The following RPS6KC1 variants were observed in gnomAD, a reference collection of about 807,000 sequenced individuals.
The protein encoded by RPS6KC1 is inactive ribosomal protein S6 kinase delta-1.
Under a neutral mutation model 103.8 loss-of-function variants are expected in RPS6KC1, and 54 were observed. The observed-to-expected ratio is 0.52, with a 90% confidence interval of 0.42 to 0.65. The LOEUF is 0.65. Among genes scored for constraint, RPS6KC1 ranks in the 30% least tolerant of loss-of-function variants. The pLI, the probability that RPS6KC1 is intolerant of heterozygous loss-of-function variation, is 0.00. For missense variants in RPS6KC1, 1,151 were observed against 1,253.8 expected (o/e 0.92, Z 1.24); for synonymous variants, 439 against 438.7 (o/e 1.00, Z -0.01).
At chr1:213,504,019 A>G in the RPS6KC1 span, among the ~76,000 whole-genome samples, 1 of 152,216 alleles carries the variant, frequency 6.6e-6, no homozygotes, top group Non-Finnish European at 1.5e-5. Context: ...ACATAAATAC[A>G]TCATGATTTA....
chr1:213,097,885 C>T (rs1432844116), intron 3 of RPS6KC1, among the ~76,000 whole-genome samples: 1 of 152,186 alleles, frequency 6.6e-6, no homozygotes. Context: ...AGCTTCTTCA[C>T]CTCTCTCAGC....
chr1:213,842,517 T>A, the RPS6KC1 span, among the ~76,000 whole-genome samples: 68 of 152,248 alleles, frequency 4.5e-4, 1 homozygote, highest in African/African-American at 1.6e-3. Context: ...TAAAATAATA[T>A]AAAAAGGTAT....
the RPS6KC1 span, among the ~76,000 whole-genome samples, chr1:213,558,806 A>G: frequency 6.6e-6 from 1 of 152,222 alleles, no homozygotes; most frequent in Non-Finnish European, 1.5e-5. Flanking sequence ...TGTTCAAATA[A>G]GGCAAACATG....
At chr1:213,170,102 G>A (rs930766538) in intron 7 of RPS6KC1, among the ~76,000 whole-genome samples, 3 of 151,878 alleles carry the variant, frequency 2.0e-5, no homozygotes, top group Admixed American at 6.6e-5. Context: ...AAAGTTTTAG[G>A]GATTTAAAAT....
chr1:213,773,410 A>G, the RPS6KC1 span, among the ~76,000 whole-genome samples: 1 of 149,048 alleles, frequency 6.7e-6, no homozygotes, highest in Non-Finnish European at 1.5e-5. Flanking sequence ...ATATCTATAG[A>G]TATATCTATA....
chr1:213,505,132 C>T, the RPS6KC1 span, among the ~76,000 whole-genome samples: 1 of 152,128 alleles, frequency 6.6e-6, no homozygotes, highest in African/African-American at 2.4e-5. Flanking sequence ...TTCCACTTAC[C>T]CCAAGTATCC....
the RPS6KC1 span, among the ~76,000 whole-genome samples, chr1:213,592,061 T>C: frequency 6.6e-6 from 1 of 152,168 alleles, no homozygotes. Flanking sequence ...GGTAAAGACC[T>C]TCATTCCTGA....
chr1:213,053,025 G>A (rs902269801), intron 1 of RPS6KC1, among the ~76,000 whole-genome samples: 1 of 152,196 alleles, frequency 6.6e-6, no homozygotes, highest in African/African-American at 2.4e-5. Flanking sequence ...AGGGATGTTT[G>A]TTGCTCCCTG....
At chr1:213,119,338 T>C (rs1281079671) in intron 5 of RPS6KC1, among the ~76,000 whole-genome samples, 2 of 148,974 alleles carry the variant, frequency 1.3e-5, no homozygotes, top group East Asian at 2.0e-4. Flanking sequence ...TCCCAGCTAC[T>C]TGGGAGGCTG....
chr1:213,252,710 T>A (rs901245550), intron 12 of RPS6KC1, among the ~76,000 whole-genome samples: 12 of 152,160 alleles, frequency 7.9e-5, no homozygotes, highest in Non-Finnish European at 1.6e-4. Context: ...TTTTTATTAT[T>A]TTGAGAAAAA....
chr1:213,275,391 A>G (rs142866322), downstream of RPS6KC1, among the ~76,000 whole-genome samples: 863 of 152,284 alleles, frequency 5.7e-3, 9 homozygotes, highest in African/African-American at 0.017. Context: ...TTCCAGATAG[A>G]TTGCAAATGC....
the RPS6KC1 span, among the ~76,000 whole-genome samples, chr1:213,830,579 G>A: frequency 6.7e-6 from 1 of 150,284 alleles, no homozygotes; most frequent in South Asian, 2.1e-4. Flanking sequence ...GCCCTTACTT[G>A]CCCCTCCACC....
the RPS6KC1 span, among the ~76,000 whole-genome samples, chr1:213,656,155 C>A: frequency 6.6e-6 from 1 of 152,148 alleles, no homozygotes; most frequent in African/African-American, 2.4e-5. Flanking sequence ...AACATGGGCA[C>A]AGAGAGGCCA....
chr1:213,098,354 C>T (rs2081672521), intron 3 of RPS6KC1, among the ~76,000 whole-genome samples: 1 of 143,244 alleles, frequency 7.0e-6, no homozygotes, highest in Non-Finnish European at 1.5e-5. Context: ...GTTACTTAGG[C>T]TGGTCTCAAA....
At chr1:213,262,698 G>T (rs1573690356) in intron 13 of RPS6KC1, 23 bp from the exon 14 acceptor site, 1 of 1,410,874 alleles carries the variant, frequency 7.1e-7, no homozygotes, top group Non-Finnish European at 1.0e-6. Flanking sequence ...GGGATAAGAA[G>T]TGTACCTGAT....
the RPS6KC1 span, among the ~76,000 whole-genome samples, chr1:213,580,807 A>AT: frequency 1.3e-5 from 2 of 151,542 alleles, no homozygotes; most frequent in East Asian, 1.9e-4. Context: ...TGTAGACATT[A>AT]TTTTTTTAAG....
downstream of RPS6KC1, among the ~76,000 whole-genome samples, chr1:213,278,836 A>G (rs1469311558): frequency 1.3e-4 from 20 of 152,206 alleles, no homozygotes; most frequent in Admixed American, 1.2e-3. Context: ...GCCTTCCTGT[A>G]TAGGAGCAGG....
chr1:213,463,044 G>T, the RPS6KC1 span, among the ~76,000 whole-genome samples: 1 of 152,160 alleles, frequency 6.6e-6, no homozygotes, highest in Non-Finnish European at 1.5e-5. Flanking sequence ...TCCAACTTTT[G>T]TTTCCTACTA....
chr1:213,186,130 A>C (rs2092519453), intron 8 of RPS6KC1, among the ~76,000 whole-genome samples: 1 of 151,638 alleles, frequency 6.6e-6, no homozygotes, highest in South Asian at 2.1e-4. Flanking sequence ...ATTTTGCATC[A>C]CTGTTAACAG....
Sources: allele counts gnomAD v4.1 joint callset (sites outside exome capture counted in the v4.1 genomes callset), GRCh38; gene constraint gnomAD v4.1.1; transcripts MANE v1.5; gene names NCBI Gene and HGNC (gene_info 2026-07-23, HGNC 2026-07-21).